FCHSD2: variants seen among roughly 807,000 people sequenced by gnomAD.
FCHSD2 encodes F-BAR and double SH3 domains protein 2.
FCHSD2 carries 38 observed loss-of-function variants against 108.1 expected under a neutral mutation model. The ratio of observed to expected loss-of-function variants is 0.35; its 90% CI spans 0.27 to 0.46. The LOEUF (loss-of-function observed/expected upper bound fraction) is 0.46. FCHSD2 is among the 20% of genes least tolerant of loss of function. The pLI, the probability that FCHSD2 is intolerant of heterozygous loss-of-function variation, is 1.00. For missense variants in FCHSD2, 751 were observed against 897.8 expected (o/e 0.84, Z 2.09); for synonymous variants, 279 against 314.7 (o/e 0.89, Z 1.20).
rs189853247 is a variant in FCHSD2, at chr11:72,933,930, A to G, written c.706-11980T>C. Among the ~76,000 whole-genome samples the G allele has an allele frequency of 2.0e-5, 3 of 151,990 alleles. No homozygotes were observed. The East Asian group carries it at 5.8e-4, about 30-fold the overall frequency. ...TCAAGACTAACTTGGGCAACACAGC[A>G]AGACTCCATCTCTACAAAGAATACA... On this transcript the variant is annotated intron_variant, in intron 8 of 19. Coordinates refer to ENST00000409418, the MANE Select transcript of FCHSD2 (RefSeq NM_014824.3).
At chr11:72,968,149 T>C (rs1014393893) in intron 8 of FCHSD2, among the ~76,000 whole-genome samples, 2 of 151,890 alleles carry the variant, frequency 1.3e-5, no homozygotes, top group Non-Finnish European at 2.9e-5. Flanking sequence ...TGGAATTATC[T>C]TGAGGTTTTC....
intron 8 of FCHSD2, among the ~76,000 whole-genome samples, chr11:72,949,351 G>A (rs1856580089): frequency 6.6e-6 from 1 of 152,114 alleles, no homozygotes; most frequent in African/African-American, 2.4e-5. Flanking sequence ...TCAGGAGGCT[G>A]AGACAGGAGA....
intron 13 of FCHSD2, among the ~76,000 whole-genome samples, chr11:72,861,419 C>G (rs1861571750): frequency 6.6e-6 from 1 of 151,204 alleles, no homozygotes; most frequent in Admixed American, 6.6e-5. Context: ...AACTCCAGGA[C>G]CAGATAACAG....
intron 14 of FCHSD2, among the ~76,000 whole-genome samples, chr11:72,847,690 C>CTT (rs60989366): frequency 2.1e-3 from 270 of 129,042 alleles, no homozygotes; most frequent in African/African-American, 3.2e-3. Context: ...TGACTCTAAC[C>CTT]TTTTTTTTTT....
At chr11:72,920,701 T>C (rs963030307) in intron 9 of FCHSD2, among the ~76,000 whole-genome samples, 1 of 152,212 alleles carries the variant, frequency 6.6e-6, no homozygotes, top group African/African-American at 2.4e-5. Flanking sequence ...TTCAAATATA[T>C]ATACATTAAA....
chr11:72,890,859 A>C (rs916192542), intron 10 of FCHSD2, among the ~76,000 whole-genome samples: 1 of 152,162 alleles, frequency 6.6e-6, no homozygotes, highest in Non-Finnish European at 1.5e-5. Context: ...ATTCTTAAAG[A>C]CCCAAGAAAA....
At chr11:72,945,324 G>A (rs1856498832) in intron 8 of FCHSD2, among the ~76,000 whole-genome samples, 1 of 152,150 alleles carries the variant, frequency 6.6e-6, no homozygotes, top group South Asian at 2.1e-4. Flanking sequence ...AATAAATGGT[G>A]CTGGGAATAC....
chr11:72,881,936 T>C (rs1357429804), intron 12 of FCHSD2, among the ~76,000 whole-genome samples: 4 of 151,672 alleles, frequency 2.6e-5, no homozygotes, highest in Non-Finnish European at 4.4e-5. Flanking sequence ...GGTCAGGAGA[T>C]TGAGACCATC....
At chr11:73,017,111 T>G (rs756981636) in intron 3 of FCHSD2, among the ~76,000 whole-genome samples, 3 of 152,134 alleles carry the variant, frequency 2.0e-5, no homozygotes, top group Non-Finnish European at 4.4e-5. Context: ...GCCTCCCAAG[T>G]ACCTGGGACT....
chr11:72,854,192 C>A (rs1440019968), intron 13 of FCHSD2, among the ~76,000 whole-genome samples: 1 of 152,178 alleles, frequency 6.6e-6, no homozygotes, highest in Non-Finnish European at 1.5e-5. Context: ...AAATTAAACA[C>A]AGAATTACCA....
intron 13 of FCHSD2, among the ~76,000 whole-genome samples, chr11:72,854,846 A>G (rs2135178553): frequency 6.6e-6 from 1 of 152,322 alleles, no homozygotes; most frequent in African/African-American, 2.4e-5. Context: ...TGAAAAGAAT[A>G]CTAGAAATGG....
rs750793670 is a variant in FCHSD2, at chr11:72,994,824, T to C, written c.388-5727A>G. Among the ~76,000 whole-genome samples, 57 of 152,192 alleles carry C rather than the reference T, an allele frequency of 3.7e-4. 1 individual carries two copies. Among genetic ancestry groups the C allele is most frequent in the Non-Finnish European group, 3.8e-4 (26 of 68,030 alleles). On this transcript the variant is annotated intron_variant, in intron 5 of 19. Transcript: ENST00000409418. ...CTGTATCTTATAGATGTAGTTTATC[T>C]TAAAAGCTTTTAAAAAATTGACATA...
At chr11:72,915,710 C>T (rs930598850) in intron 9 of FCHSD2, among the ~76,000 whole-genome samples, 75 of 152,096 alleles carry the variant, frequency 4.9e-4, no homozygotes, top group Non-Finnish European at 1.1e-3. Context: ...CCCAGCTACT[C>T]GGGAGGCTGA....
At chr11:73,085,458 A>G (rs985247833) in intron 2 of FCHSD2, among the ~76,000 whole-genome samples, 1 of 152,114 alleles carries the variant, frequency 6.6e-6, no homozygotes, top group East Asian at 1.9e-4. Flanking sequence ...TCCTCTCCTG[A>G]CTGAAATGAC....
At chr11:72,929,167 A>G (rs930371303) in intron 8 of FCHSD2, among the ~76,000 whole-genome samples, 1 of 152,170 alleles carries the variant, frequency 6.6e-6, no homozygotes, top group Non-Finnish European at 1.5e-5. Context: ...ATTGTGAATA[A>G]TGCCGCTATA....
rs1477493896 is a variant in FCHSD2, at chr11:72,840,936, G to C, written c.2080C>G (p.Pro694Ala). 1 of 1,613,074 alleles carries C rather than the reference G, an allele frequency of 6.2e-7. No homozygotes were observed. The highest frequency in any genetic ancestry group is 1.3e-5 in the African/African-American group (1 of 74,904). The change falls in exon 19 of 20, where the codon CCA becomes GCA. Residue 694 changes from proline (P) to alanine (A), a missense_variant. Pro to Ala is a conservative substitution (Grantham distance 27). Coordinates refer to ENST00000409418, the MANE Select transcript of FCHSD2 (RefSeq NM_014824.3). ...TGCCTTGATGCCTGTGAGAATCCTGGTGACTCAGCATGAAGGCTTTTTTCT... is the reference window on the plus strand; with the variant it reads ...TGCCTTGATGCCTGTGAGAATCCTGCTGACTCAGCATGAAGGCTTTTTTCT... Reference protein sequence around the residue: ...ANEKSLHAESPGFSQASRHTP... With the variant: ...ANEKSLHAESAGFSQASRHTP...
chr11:72,845,225 G>A (rs536269781), intron 14 of FCHSD2, among the ~76,000 whole-genome samples: 17 of 151,986 alleles, frequency 1.1e-4, no homozygotes, highest in East Asian at 1.9e-4. Flanking sequence ...GTTTGAGACC[G>A]GCCTGGGCAA....
At chr11:72,962,470 C>A (rs1856834076) in intron 8 of FCHSD2, among the ~76,000 whole-genome samples, 1 of 152,086 alleles carries the variant, frequency 6.6e-6, no homozygotes, top group African/African-American at 2.4e-5. Flanking sequence ...GTTTGAGAAC[C>A]TCTGGTATAA....
intron 3 of FCHSD2, among the ~76,000 whole-genome samples, chr11:73,057,873 C>T (rs1055215298): frequency 1.3e-5 from 2 of 150,782 alleles, no homozygotes; most frequent in African/African-American, 4.9e-5. Context: ...ACTGCCAATT[C>T]GGTATTCTTT....
Sources: gnomAD v4.1 joint callset for allele counts (sites outside exome capture counted in the v4.1 genomes callset) on GRCh38, gnomAD v4.1.1 for gene constraint, MANE v1.5 for transcripts, NCBI Gene and HGNC (gene_info 2026-07-23, HGNC 2026-07-21) for gene names.